Variants in CLIP2 observed in about 807,000 individuals in gnomAD.
CLIP2 encodes CAP-Gly domain-containing linker protein 2.
Under a neutral mutation model 111.7 loss-of-function variants are expected in CLIP2, and 41 were observed. That is an observed-to-expected ratio of 0.37 (90% CI 0.29 to 0.48). The LOEUF (loss-of-function observed/expected upper bound fraction) is 0.48. CLIP2 is among the 20% of genes least tolerant of loss of function. CLIP2 has a pLI of 0.99. For missense variants in CLIP2, 1,160 were observed against 1,422.1 expected (o/e 0.82, Z 2.96); for synonymous variants, 660 against 644.2 (o/e 1.02, Z -0.37).
chr7:74,304,857 A>G (rs556105487), intron 1 of CLIP2, among the ~76,000 whole-genome samples: 4 of 152,244 alleles, frequency 2.6e-5, no homozygotes, highest in African/African-American at 9.6e-5. Context: ...AGGAAGGAGG[A>G]TCACTTGAGC....
At chr7:74,388,482 A>G (rs1554315225) in intron 12 of CLIP2, among the ~76,000 whole-genome samples, 1 of 150,528 alleles carries the variant, frequency 6.6e-6, no homozygotes, top group Non-Finnish European at 1.5e-5. Context: ...GGCCGACAAT[A>G]GCAAGACTCC....
chr7:74,345,574 G>T (rs1267291022), intron 3 of CLIP2, among the ~76,000 whole-genome samples: 1 of 151,980 alleles, frequency 6.6e-6, no homozygotes, highest in Non-Finnish European at 1.5e-5. Flanking sequence ...GGTGGCTCAT[G>T]CCTGTAATCC....
chr7:74,292,647 C>G (rs1788058316), intron 1 of CLIP2, among the ~76,000 whole-genome samples: 1 of 152,194 alleles, frequency 6.6e-6, no homozygotes, highest in Non-Finnish European at 1.5e-5. Flanking sequence ...CTTGACCTCC[C>G]AAATTGCTGG....
At chr7:74,326,069 T>C (rs1344883728) in intron 2 of CLIP2, among the ~76,000 whole-genome samples, 5 of 151,686 alleles carry the variant, frequency 3.3e-5, no homozygotes, top group Admixed American at 3.3e-4. Flanking sequence ...TGAAACCTCG[T>C]CTCTACTAAA....
At chr7:74,363,799 G>C (rs900653784) in intron 7 of CLIP2, among the ~76,000 whole-genome samples, 2 of 151,930 alleles carry the variant, frequency 1.3e-5, no homozygotes, top group Non-Finnish European at 2.9e-5. Context: ...AGGAAGCTGA[G>C]GCAGGAGAAT....
At chr7:74,308,597 C>T (rs573167854) in intron 1 of CLIP2, among the ~76,000 whole-genome samples, 1 of 151,716 alleles carries the variant, frequency 6.6e-6, no homozygotes, top group Non-Finnish European at 1.5e-5. Flanking sequence ...CTCCGCCTTC[C>T]GGGTTCAAGC....
chr7:74,292,453 C>T (rs1467270839), intron 1 of CLIP2, among the ~76,000 whole-genome samples: 1 of 152,172 alleles, frequency 6.6e-6, no homozygotes, highest in African/African-American at 2.4e-5. Flanking sequence ...GTGGTGCCAC[C>T]TCGGCTCACT....
At chr7:74,366,017 G>A (rs1790464230) in intron 8 of CLIP2, among the ~76,000 whole-genome samples, 1 of 151,978 alleles carries the variant, frequency 6.6e-6, no homozygotes, top group Non-Finnish European at 1.5e-5. Flanking sequence ...CTAGGTTCAA[G>A]CAATCCTGCC....
intron 13 of CLIP2, among the ~76,000 whole-genome samples, chr7:74,390,222 A>AAAGAAAGAAAGAAAGAAAGG (rs1562727004): frequency 1.8e-5 from 1 of 55,970 alleles, no homozygotes; most frequent in East Asian, 3.6e-4. Flanking sequence ...AGAAAGAAAG[A>AAAGAAAGAAAGAAAGAAAGG]AAGGATTAAT....
intron 2 of CLIP2, among the ~76,000 whole-genome samples, chr7:74,321,267 A>C (rs1466265914): frequency 6.6e-6 from 1 of 152,064 alleles, no homozygotes; most frequent in Non-Finnish European, 1.5e-5. Flanking sequence ...AAAAACGTCC[A>C]TTATCCTTTA....
At chr7:74,289,807 G>T (rs1787958716) in intron 1 of CLIP2, 73 bp downstream of exon 1, 1 of 152,258 alleles carries the variant, frequency 6.6e-6, no homozygotes, top group African/African-American at 2.4e-5. Context: ...GGGGGGCGGC[G>T]GCCTGGCCGA....
At chr7:74,400,615 C>A in intron 15 of CLIP2, 60 bp downstream of exon 15, 1 of 1,443,726 alleles carries the variant, frequency 6.9e-7, no homozygotes, top group Non-Finnish European at 9.2e-7. Flanking sequence ...TCCTCGGAGC[C>A]CCCGTCTGAT....
chr7:74,365,162 G>C (rs1554310599), intron 8 of CLIP2, among the ~76,000 whole-genome samples: 1 of 152,030 alleles, frequency 6.6e-6, no homozygotes, highest in African/African-American at 2.4e-5. Context: ...CAGGCCATGT[G>C]GTTGCTCCTG....
Position 74,374,841 on chromosome 7 carries a change from T to A in CLIP2, c.1486-1046T>A, listed in dbSNP as rs59340402. Among the ~76,000 whole-genome samples, 512 of 152,324 alleles carry A rather than the reference T, an allele frequency of 3.4e-3. 5 individuals are homozygous for A. The highest frequency in any genetic ancestry group is 0.012 in the African/African-American group (500 of 41,570). On this transcript the variant is annotated intron_variant, in intron 9 of 16. Transcript: ENST00000223398. ...CTTGAAAATATATCATTTTCATATC[T>A]ATGACCATCAACGTGATCAAGGTGG...
intron 8 of CLIP2, among the ~76,000 whole-genome samples, chr7:74,370,974 G>T (rs372200307): frequency 2.0e-5 from 3 of 151,984 alleles, no homozygotes; most frequent in African/African-American, 7.3e-5. Context: ...GGGGCCAGGC[G>T]TGGTGGCTCA....
At chr7:74,377,684 A>T (rs1383586094) in intron 10 of CLIP2, among the ~76,000 whole-genome samples, 1 of 152,206 alleles carries the variant, frequency 6.6e-6, no homozygotes, top group Non-Finnish European at 1.5e-5. Context: ...AGTGGCAGAG[A>T]TGTTCAACCC....
chr7:74,405,927 G>C lies in CLIP2; in HGVS notation c.*2079G>C, dbSNP rs978417476. 6.6e-6 allele frequency: 1 copy of C among 152,364 alleles called. No homozygotes were observed. Among genetic ancestry groups the C allele is most frequent in the Non-Finnish European group, 1.5e-5 (1 of 68,118 alleles). 9.4% of individuals were successfully genotyped at this position (152,364 alleles called of 1,614,324 possible). A position where few individuals can be genotyped will look rare whatever the true frequency, so the allele number is the denominator to read the frequency against. ...GCTCGGGACAATAAAGCTTGTGACA[G>C]GTCCAGGACCCCGGCAGTTGGCTTG... On this transcript the variant is annotated 3_prime_UTR_variant, in exon 17 of 17. Coordinates refer to ENST00000223398, the MANE Select transcript of CLIP2 (RefSeq NM_003388.5).
intron 6 of CLIP2, among the ~76,000 whole-genome samples, chr7:74,357,754 T>A (rs1393311388): frequency 6.6e-6 from 1 of 151,622 alleles, no homozygotes; most frequent in Non-Finnish European, 1.5e-5. Flanking sequence ...TTATTATTTT[T>A]CTTTCTTTCT....
At position 74,376,315 on chromosome 7, in the gene CLIP2, C is replaced by T. The variant is rs781860353; in HGVS notation, c.1914C>T (p.Gly638=). The stretch of plus-strand genomic sequence containing the variant: ...ACCTCAAAGCCACCCTGAACTCGGG[C>T]CCAGGCGCCCAGCAGAAGGAGATCG... ...LEDLKATLNS[G]PGAQQKEIGE... Residue 638 remains glycine (G), a synonymous_variant, in exon 10 of 17, where the codon GGC becomes GGT. Coordinates refer to ENST00000223398, the MANE Select transcript of CLIP2 (RefSeq NM_003388.5). This position sits in a 1 kb window ranked among gnomAD's most constrained non-coding sequence, Gnocchi z 7.1. The T allele has an allele frequency of 1.9e-6, 3 of 1,613,846 alleles. No homozygotes were observed. In the South Asian group the frequency reaches 3.3e-5, roughly 18 times the overall value.
Sources: allele counts gnomAD v4.1 joint callset (sites outside exome capture counted in the v4.1 genomes callset), GRCh38; gene constraint gnomAD v4.1.1; non-coding constraint Gnocchi (gnomAD v3.1); transcripts MANE v1.5; gene names NCBI Gene and HGNC (gene_info 2026-07-23, HGNC 2026-07-21).